Variants in PIP5K1B observed in about 807,000 individuals in gnomAD.
The protein encoded by PIP5K1B is phosphatidylinositol-4-phosphate 5-kinase type 1 beta.
In PIP5K1B, 42 loss-of-function variants were observed where a neutral mutation model predicts 67.0. The ratio of observed to expected loss-of-function variants is 0.63; its 90% CI spans 0.49 to 0.81. PIP5K1B has a LOEUF of 0.81. Ranked by LOEUF, PIP5K1B falls within the 30% of genes least tolerant of loss-of-function variation. The pLI is 0.00. For missense variants in PIP5K1B, 459 were observed against 646.3 expected, an observed-to-expected ratio of 0.71 and a Z score of 3.14; for synonymous variants, 214 against 231.4, an observed-to-expected ratio of 0.92 and a Z score of 0.68.
intron 12 of PIP5K1B, among the ~76,000 whole-genome samples, chr9:68,932,208 G>A (rs534501666): frequency 1.3e-5 from 2 of 152,204 alleles, no homozygotes; most frequent in South Asian, 2.1e-4. Flanking sequence ...TGGTACTGCC[G>A]AAAACCTTTT....
At position 68,710,111 on chromosome 9, in the gene PIP5K1B, T is replaced by C. The variant is rs191238652; in HGVS notation, c.-243+4349T>C. The stretch of plus-strand genomic sequence containing the variant: ...ATTTAATATCCTGGAAATTTTTTTT[T>C]CCCCCTATGGCCAGAGCCTTCAGTA... On this transcript the variant is annotated intron_variant, in intron 1 of 15. Coordinates refer to ENST00000265382, the MANE Select transcript of PIP5K1B (RefSeq NM_003558.4). 4.3e-4 allele frequency among the ~76,000 whole-genome samples: 66 copies of C among 152,288 alleles called. No individual in the cohort carries two copies. In the East Asian group the frequency reaches 0.01, roughly 24 times the overall value.
intron 4 of PIP5K1B, 73 bp from the exon 5 acceptor site, chr9:68,863,764 G>A: frequency 7.5e-7 from 1 of 1,329,200 alleles, no homozygotes; most frequent in African/African-American, 1.5e-5. Flanking sequence ...CCTCACTCAT[G>A]TTTTGTTGCC....
chr9:68,723,179 T>TGTGA (rs1673098645), intron 1 of PIP5K1B, among the ~76,000 whole-genome samples: 1 of 116,826 alleles, frequency 8.6e-6, no homozygotes, highest in African/African-American at 3.3e-5. Context: ...TGTGTGTGTG[T>TGTGA]GAGAGAGAGA....
At chr9:68,780,559 C>T (rs772771959) in intron 2 of PIP5K1B, 1 of 1,614,220 alleles carries the variant, frequency 6.2e-7, no homozygotes, top group East Asian at 2.2e-5. Context: ...GAGAAATCCG[C>T]CTCCCCCAAG....
At chr9:68,744,728 ATTCT>A (rs895009555) in intron 2 of PIP5K1B, among the ~76,000 whole-genome samples, 39 of 151,472 alleles carry the variant, frequency 2.6e-4, no homozygotes, top group African/African-American at 9.0e-4. Flanking sequence ...TTTAGAGTTG[ATTCT>A]TTCTCTTGTG....
intron 8 of PIP5K1B, among the ~76,000 whole-genome samples, chr9:68,906,982 G>A (rs541616552): frequency 2.0e-5 from 3 of 152,318 alleles, no homozygotes; most frequent in African/African-American, 4.8e-5. Context: ...ACCAGAAAAA[G>A]CAGTGATTCC....
At chr9:68,901,162 C>G (rs755420010) in intron 8 of PIP5K1B, among the ~76,000 whole-genome samples, 12 of 152,182 alleles carry the variant, frequency 7.9e-5, no homozygotes, top group Non-Finnish European at 1.6e-4. Flanking sequence ...ATTATCCTCT[C>G]ATCAATAAGG....
At chr9:68,966,962 T>C (rs906120892) in intron 14 of PIP5K1B, among the ~76,000 whole-genome samples, 2 of 152,220 alleles carry the variant, frequency 1.3e-5, no homozygotes, top group Non-Finnish European at 2.9e-5. Flanking sequence ...TGGGTCTTTT[T>C]GCAGCTGGGT....
chr9:68,721,546 T>C lies in PIP5K1B; in HGVS notation c.-243+15784T>C, dbSNP rs565021138. On this transcript the variant is annotated intron_variant, in intron 1 of 15. Transcript: ENST00000265382. ...GGTAGCAGAGGCAGGAGGGCTGTGA[T>C]GATGAGTCCTATTTTGGACATGCAT... Among the ~76,000 whole-genome samples the C allele has an allele frequency of 7.2e-5, 11 of 152,230 alleles. No individual in the cohort carries two copies. The South Asian group carries it at 1.9e-3, about 26-fold the overall frequency.
chr9:68,813,709 T>A (rs1051134936), intron 2 of PIP5K1B, among the ~76,000 whole-genome samples: 3 of 152,062 alleles, frequency 2.0e-5, no homozygotes, highest in Non-Finnish European at 4.4e-5. Flanking sequence ...AAATGCCACA[T>A]GAAGAGGGAG....
At chr9:68,853,142 A>G (rs1822578227) in intron 4 of PIP5K1B, among the ~76,000 whole-genome samples, 1 of 152,190 alleles carries the variant, frequency 6.6e-6, no homozygotes, top group Non-Finnish European at 1.5e-5. Flanking sequence ...GGTGGAATGG[A>G]ACACAGTGAG....
intron 5 of PIP5K1B, among the ~76,000 whole-genome samples, chr9:68,869,112 T>G (rs4744726): frequency 0.43 from 64,625 of 152,044 alleles, 14,215 homozygotes; most frequent in South Asian, 0.51. Flanking sequence ...CATAAACTTA[T>G]CCAAGAGTCC....
intron 4 of PIP5K1B, among the ~76,000 whole-genome samples, chr9:68,856,903 GCCAATAA>G (rs1405129487): frequency 1.3e-5 from 2 of 152,174 alleles, no homozygotes; most frequent in Non-Finnish European, 2.9e-5. Flanking sequence ...AGAAGACATT[GCCAATAA>G]CTTCACACAC....
At chr9:68,883,857 A>G (rs1412471877) in intron 6 of PIP5K1B, among the ~76,000 whole-genome samples, 1 of 151,980 alleles carries the variant, frequency 6.6e-6, no homozygotes, top group Non-Finnish European at 1.5e-5. Context: ...CACACCCTAT[A>G]GTCAATAGAC....
chr9:68,954,730 A>G (rs1828296777), intron 14 of PIP5K1B, among the ~76,000 whole-genome samples: 1 of 152,240 alleles, frequency 6.6e-6, no homozygotes, highest in Non-Finnish European at 1.5e-5. Context: ...TTGATACGAC[A>G]GCAGTGGCTG....
chr9:69,005,882 T>TTCTTC (rs1461917427), intron 15 of PIP5K1B, among the ~76,000 whole-genome samples: 1 of 115,020 alleles, frequency 8.7e-6, no homozygotes, highest in South Asian at 2.8e-4. Flanking sequence ...CATTTCTTTC[T>TTCTTC]TTTTTTTTTT....
chr9:68,873,688 A>T (rs892299446), intron 5 of PIP5K1B, among the ~76,000 whole-genome samples: 2 of 152,036 alleles, frequency 1.3e-5, no homozygotes, highest in African/African-American at 2.4e-5. Flanking sequence ...ATATAGTCTC[A>T]ATCATCCAAA....
chr9:68,778,198 G>A (rs544409184), intron 2 of PIP5K1B, among the ~76,000 whole-genome samples: 62 of 152,282 alleles, frequency 4.1e-4, no homozygotes, highest in South Asian at 1.0e-3. Context: ...TTGTTCTTCC[G>A]TGTACTGGCT....
chr9:68,723,179 T>TGAGA (rs754438778), intron 1 of PIP5K1B, among the ~76,000 whole-genome samples: 15 of 116,914 alleles, frequency 1.3e-4, no homozygotes, highest in African/African-American at 4.6e-4. Context: ...TGTGTGTGTG[T>TGAGA]GAGAGAGAGA....
Sources: allele counts gnomAD v4.1 joint callset (sites outside exome capture counted in the v4.1 genomes callset), GRCh38; gene constraint gnomAD v4.1.1; transcripts MANE v1.5; gene names NCBI Gene and HGNC (gene_info 2026-07-23, HGNC 2026-07-21).